The following CATSPERE variants were observed in gnomAD, a reference collection of about 807,000 sequenced individuals.
CATSPERE encodes catsper channel auxiliary subunit epsilon.
Under a neutral mutation model 114.1 loss-of-function variants are expected in CATSPERE, and 93 were observed. That is an observed-to-expected ratio of 0.81 (90% CI 0.69 to 0.97). The LOEUF (loss-of-function observed/expected upper bound fraction) is 0.97. CATSPERE is among the 50% of genes least tolerant of loss of function. CATSPERE has a pLI of 0.00. For missense variants in CATSPERE, 1,058 were observed against 1,131.6 expected (o/e 0.93, Z 0.93); for synonymous variants, 341 against 384.1 (o/e 0.89, Z 1.31).
chr1:244,528,094 A>G (rs751865866), intron 8 of CATSPERE, among the ~76,000 whole-genome samples: 49 of 152,076 alleles, frequency 3.2e-4, no homozygotes, highest in Non-Finnish European at 6.5e-4. Flanking sequence ...ATTCTTCCTG[A>G]TGCTCTCCCT....
intron 2 of CATSPERE, among the ~76,000 whole-genome samples, chr1:244,471,597 T>G (rs557511926): frequency 1.2e-4 from 18 of 152,336 alleles, no homozygotes; most frequent in Admixed American, 4.6e-4. Flanking sequence ...TCCTATAGTT[T>G]TGCATTTTCT....
At chr1:244,480,916 C>T (rs1231135269) in intron 5 of CATSPERE, among the ~76,000 whole-genome samples, 1 of 152,178 alleles carries the variant, frequency 6.6e-6, no homozygotes, top group Non-Finnish European at 1.5e-5. Context: ...ATCCCAGTCC[C>T]CAGCTTTTCC....
chr1:244,630,437 C>T (rs1673788028), intron 20 of CATSPERE, among the ~76,000 whole-genome samples: 2 of 152,122 alleles, frequency 1.3e-5, no homozygotes, highest in African/African-American at 2.4e-5. Context: ...GAATAATTTG[C>T]TAAATGAATG....
intron 8 of CATSPERE, 124 bp downstream of exon 8, chr1:244,518,822 A>G: frequency 1.9e-6 from 1 of 531,414 alleles, no homozygotes. Flanking sequence ...TTTATAAAAC[A>G]TAAAAAATTT....
At chr1:244,561,166 T>G in intron 10 of CATSPERE, 21 bp downstream of exon 10, 1 of 1,434,690 alleles carries the variant, frequency 7.0e-7, no homozygotes. Context: ...CTCAGTCCAC[T>G]AACATTATTC....
chr1:244,511,135 G>A (rs765111440), intron 7 of CATSPERE, among the ~76,000 whole-genome samples: 13 of 152,004 alleles, frequency 8.6e-5, no homozygotes, highest in Non-Finnish European at 1.6e-4. Flanking sequence ...GAGCCACCGC[G>A]CCTGGCTGAA....
intron 8 of CATSPERE, among the ~76,000 whole-genome samples, chr1:244,527,733 G>A (rs954426236): frequency 1.3e-5 from 2 of 152,186 alleles, no homozygotes; most frequent in Non-Finnish European, 2.9e-5. Context: ...AATTATAAAA[G>A]TATTAATTTG....
In CATSPERE at chr1:244,520,355, A is replaced by G. The variant is rs1288026573; in HGVS notation, c.536+1657A>G. Among the ~76,000 whole-genome samples, 2 of 152,130 alleles carry G rather than the reference A, an allele frequency of 1.3e-5. 1 individual carries two copies. Among genetic ancestry groups the G allele is most frequent in the Non-Finnish European group, 2.9e-5 (2 of 68,010 alleles). On this transcript the variant is annotated intron_variant, in intron 8 of 21. Coordinates refer to ENST00000366534, the MANE Select transcript of CATSPERE (RefSeq NM_001130957.2). ...TCCAAATGGATTCTTTTCTTTCTGG[A>G]GATCTAGTTGTCCCAGCATAATTTG...
chr1:244,499,659 C>A (rs1572422072), intron 7 of CATSPERE, among the ~76,000 whole-genome samples: 1 of 152,124 alleles, frequency 6.6e-6, no homozygotes, highest in Non-Finnish European at 1.5e-5. Flanking sequence ...CATGTCCCTG[C>A]AAAGGACATG....
At chr1:244,532,392 A>G (rs1042354556) in intron 8 of CATSPERE, among the ~76,000 whole-genome samples, 5 of 151,938 alleles carry the variant, frequency 3.3e-5, no homozygotes, top group African/African-American at 4.8e-5. Context: ...TTTAAGATGT[A>G]TCATTAGGTT....
chr1:244,508,596 T>C (rs1229300187), intron 7 of CATSPERE, among the ~76,000 whole-genome samples: 3 of 151,562 alleles, frequency 2.0e-5, no homozygotes, highest in Admixed American at 1.3e-4. Flanking sequence ...CCACTGCGCC[T>C]GGCCAGAAAC....
intron 17 of CATSPERE, among the ~76,000 whole-genome samples, chr1:244,596,336 G>A (rs1420527649): frequency 5.9e-5 from 9 of 152,166 alleles, no homozygotes; most frequent in Admixed American, 5.9e-4. Context: ...AGCAATCCAT[G>A]AGTGCTACTC....
At chr1:244,582,425 T>A (rs1418490753) in intron 12 of CATSPERE, among the ~76,000 whole-genome samples, 1 of 145,776 alleles carries the variant, frequency 6.9e-6, no homozygotes, top group Non-Finnish European at 1.5e-5. Flanking sequence ...TTTTTTAAGA[T>A]GGAGTCTCAC....
At chr1:244,555,244 G>T (rs778386104) in intron 9 of CATSPERE, among the ~76,000 whole-genome samples, 2 of 152,046 alleles carry the variant, frequency 1.3e-5, no homozygotes, top group Admixed American at 1.3e-4. Flanking sequence ...AATCAGCTGG[G>T]TGTGGTGGCA....
Position 244,532,002 on chromosome 1 carries a change from T to G in CATSPERE, c.536+13304T>G, listed in dbSNP as rs1199863810. On this transcript the variant is annotated intron_variant, in intron 8 of 21. Coordinates refer to ENST00000366534, the MANE Select transcript of CATSPERE (RefSeq NM_001130957.2). ...ACTTTTTACTATGGCTTCAATCTCA[T>G]TACCTGTTATTGGTCTGTTTAAATC... is the stretch of plus-strand genomic sequence containing the variant. 2.0e-5 allele frequency among the ~76,000 whole-genome samples: 3 copies of G among 152,316 alleles called. No homozygotes were observed. The East Asian group carries it at 5.8e-4, about 29-fold the overall frequency.
intron 8 of CATSPERE, among the ~76,000 whole-genome samples, chr1:244,525,186 G>C (rs891842956): frequency 6.0e-5 from 9 of 149,136 alleles, no homozygotes; most frequent in South Asian, 4.2e-4. Context: ...CATGTCCTTT[G>C]TAGGGACATG....
Position 244,527,590 on chromosome 1 carries a change from C to T in CATSPERE, c.536+8892C>T, listed in dbSNP as rs546835353. On this transcript the variant is annotated intron_variant, in intron 8 of 21. Coordinates refer to ENST00000366534, the MANE Select transcript of CATSPERE (RefSeq NM_001130957.2). ...GGCAACATACATCCTCCTCAGCTTA[C>T]GAAGATGACGGGATTAAGAGATTAA... Among the ~76,000 whole-genome samples the T allele has an allele frequency of 9.2e-5, 14 of 152,050 alleles. 1 individual carries two copies. The South Asian group carries it at 1.7e-3, about 18-fold the overall frequency.
At chr1:244,474,846 C>T (rs758305491) in intron 2 of CATSPERE, among the ~76,000 whole-genome samples, 5 of 150,414 alleles carry the variant, frequency 3.3e-5, no homozygotes, top group Admixed American at 6.6e-5. Context: ...TGGACTCAAG[C>T]GATCCTCCCA....
chr1:244,607,878 C>G lies in CATSPERE; in HGVS notation c.2403+2084C>G, dbSNP rs1047483568. ...CCTATAATCCCAGCACTTTGGGAGG[C>G]TGAGGCAGGCCGATCACAAGGTCAG... On this transcript the variant is annotated intron_variant, in intron 18 of 21. Coordinates refer to ENST00000366534, the MANE Select transcript of CATSPERE (RefSeq NM_001130957.2). The surrounding 1 kb of genome is among the most constrained non-coding windows in gnomAD (Gnocchi z 4.4). 6.0e-5 allele frequency among the ~76,000 whole-genome samples: 9 copies of G among 151,154 alleles called. No homozygotes were observed. Among genetic ancestry groups the G allele is most frequent in the African/African-American group, 2.2e-4 (9 of 41,096 alleles).
Sources: gnomAD v4.1 joint callset for allele counts (sites outside exome capture counted in the v4.1 genomes callset) on GRCh38, gnomAD v4.1.1 for gene constraint, Gnocchi (gnomAD v3.1) non-coding constraint, MANE v1.5 for transcripts, NCBI Gene and HGNC (gene_info 2026-07-23, HGNC 2026-07-21) for gene names.